FAT3: variants seen among roughly 807,000 people sequenced by gnomAD.
The protein encoded by FAT3 is protocadherin Fat 3.
Under a neutral mutation model 310.2 loss-of-function variants are expected in FAT3, and 95 were observed. That is an observed-to-expected ratio of 0.31 (90% CI 0.26 to 0.36). The LOEUF is 0.36. FAT3 is among the 10% of genes least tolerant of loss of function. FAT3 has a pLI of 1.00. For missense variants in FAT3, 5,408 were observed against 5,715.6 expected, an observed-to-expected ratio of 0.95 and a Z score of 1.74; for synonymous variants, 2,314 against 2,192.9, an observed-to-expected ratio of 1.06 and a Z score of -1.54.
chr11:92,723,290 AC>A (rs941313457), intron 4 of FAT3, among the ~76,000 whole-genome samples: 2 of 152,296 alleles, frequency 1.3e-5, no homozygotes, highest in Admixed American at 1.3e-4. Flanking sequence ...GCAAAATTCC[AC>A]CAGACTCTTT....
At chr11:92,319,308 C>G (rs1174074621) in intron 1 of FAT3, among the ~76,000 whole-genome samples, 1 of 151,954 alleles carries the variant, frequency 6.6e-6, no homozygotes, top group East Asian at 1.9e-4. Flanking sequence ...GTCAAGGTTG[C>G]AAGCAGTGGA....
chr11:92,340,511 A>G (rs185057979), intron 1 of FAT3, among the ~76,000 whole-genome samples: 4 of 152,274 alleles, frequency 2.6e-5, no homozygotes, highest in Admixed American at 6.5e-5. Flanking sequence ...TCTGCATTGG[A>G]TTGCTTTCTC....
chr11:92,802,608 C>T (rs1330010246), intron 10 of FAT3, among the ~76,000 whole-genome samples: 1 of 152,012 alleles, frequency 6.6e-6, no homozygotes. Context: ...GGGGGGCAGG[C>T]GACCTTTAAC....
rs1394492895 is a variant in FAT3 at position 92,607,051 on chromosome 11, A to G, written c.3607+82103A>G. ...TAGCCATGAATAGATATCACTAACC[A>G]TCACAACTCGTGGATGTCCTTAGTG... On this transcript the variant is annotated intron_variant, in intron 3 of 27. Transcript: ENST00000525166. Among the ~76,000 whole-genome samples, 5 of 152,192 alleles carry G rather than the reference A, an allele frequency of 3.3e-5. No individual in the cohort carries two copies. The East Asian group carries it at 5.8e-4, about 18-fold the overall frequency.
At chr11:92,783,884 C>A (rs930760412) in intron 7 of FAT3, among the ~76,000 whole-genome samples, 2 of 152,000 alleles carry the variant, frequency 1.3e-5, no homozygotes, top group Admixed American at 6.6e-5. Context: ...TTTAAAGGGA[C>A]CAGGGATCTT....
At chr11:92,722,402 G>T (rs1281682114) in intron 4 of FAT3, among the ~76,000 whole-genome samples, 1 of 152,208 alleles carries the variant, frequency 6.6e-6, no homozygotes, top group Non-Finnish European at 1.5e-5. Flanking sequence ...GCCCTGGGCA[G>T]CTCTGCCTCT....
At chr11:92,265,499 T>C (rs1945916237) in intron 1 of FAT3, among the ~76,000 whole-genome samples, 1 of 151,996 alleles carries the variant, frequency 6.6e-6, no homozygotes. Flanking sequence ...AAGCCTTCTC[T>C]TAGAGGGCAA....
intron 22 of FAT3, among the ~76,000 whole-genome samples, chr11:92,879,922 A>G (rs1001241419): frequency 3.3e-5 from 5 of 152,122 alleles, no homozygotes; most frequent in Non-Finnish European, 7.3e-5. Flanking sequence ...TACTATGTGC[A>G]TGTATATCTG....
intron 4 of FAT3, among the ~76,000 whole-genome samples, chr11:92,704,363 G>C (rs933866133): frequency 1.3e-5 from 2 of 152,192 alleles, no homozygotes; most frequent in African/African-American, 4.8e-5. Flanking sequence ...CACATGGTGG[G>C]TACCAGCTTG....
intron 9 of FAT3, among the ~76,000 whole-genome samples, chr11:92,795,988 A>G (rs1947161862): frequency 6.6e-6 from 1 of 152,104 alleles, no homozygotes; most frequent in African/African-American, 2.4e-5. Flanking sequence ...CTGGGCATGA[A>G]GAAATCTGCC....
intron 2 of FAT3, among the ~76,000 whole-genome samples, chr11:92,497,053 G>GGT (rs1440659753): frequency 1.3e-5 from 2 of 152,150 alleles, no homozygotes; most frequent in African/African-American, 4.8e-5. Context: ...ACCTGACTTA[G>GGT]GTGATGCGAT....
chr11:92,824,375 AAG>A (rs1948050555), intron 13 of FAT3, among the ~76,000 whole-genome samples: 2 of 152,174 alleles, frequency 1.3e-5, no homozygotes, highest in African/African-American at 4.8e-5. Context: ...GAAAGAAAGA[AAG>A]AAAATCATTT....
chr11:92,394,270 A>T (rs1949810967), intron 2 of FAT3, among the ~76,000 whole-genome samples: 1 of 152,090 alleles, frequency 6.6e-6, no homozygotes, highest in African/African-American at 2.4e-5. Context: ...GCAGTTAGAG[A>T]CCAGCCTGGG....
At chr11:92,792,660 A>G (rs2136163215) in intron 8 of FAT3, 107 bp from the exon 9 acceptor site, 2 of 1,046,800 alleles carry the variant, frequency 1.9e-6, no homozygotes, top group South Asian at 1.5e-5. Context: ...AACTGGGTCA[A>G]GCACTTTGCG....
intron 2 of FAT3, among the ~76,000 whole-genome samples, chr11:92,485,643 T>A (rs1019370709): frequency 1.3e-5 from 2 of 152,184 alleles, no homozygotes. Flanking sequence ...TTTGTCTGCA[T>A]CTTTCTCATC....
chr11:92,399,352 C>T (rs774988407), intron 2 of FAT3, among the ~76,000 whole-genome samples: 3 of 152,028 alleles, frequency 2.0e-5, no homozygotes, highest in Non-Finnish European at 4.4e-5. Flanking sequence ...GGATAGAATT[C>T]GGACTAGAGA....
intron 2 of FAT3, among the ~76,000 whole-genome samples, chr11:92,391,714 A>G (rs1490421489): frequency 6.6e-6 from 1 of 152,228 alleles, no homozygotes; most frequent in African/African-American, 2.4e-5. Flanking sequence ...TTTGACATTC[A>G]AAACAGACAG....
chr11:92,523,270 G>T (rs894664226), intron 2 of FAT3, among the ~76,000 whole-genome samples: 3 of 152,044 alleles, frequency 2.0e-5, no homozygotes, highest in African/African-American at 7.3e-5. Flanking sequence ...CCAGATATCA[G>T]CCATATTCTA....
At chr11:92,278,059 T>G (rs528130458) in intron 1 of FAT3, among the ~76,000 whole-genome samples, 1 of 152,156 alleles carries the variant, frequency 6.6e-6, no homozygotes, top group Non-Finnish European at 1.5e-5. Flanking sequence ...CAGCCTGGCT[T>G]ATAGAGTCAG....
Sources: gnomAD v4.1 joint callset for allele counts (sites outside exome capture counted in the v4.1 genomes callset) on GRCh38, gnomAD v4.1.1 for gene constraint, MANE v1.5 for transcripts, NCBI Gene and HGNC (gene_info 2026-07-23, HGNC 2026-07-21) for gene names.